CUL1: variants seen among roughly 807,000 people sequenced by gnomAD.
CUL1 encodes the protein cullin-1.
Under a neutral mutation model 118.0 loss-of-function variants are expected in CUL1, and 24 were observed. The ratio of observed to expected loss-of-function variants is 0.20; its 90% CI spans 0.15 to 0.29. The LOEUF is 0.29. CUL1 is among the 10% of genes least tolerant of loss of function. The pLI is 1.00. For missense variants in CUL1, 361 were observed against 933.8 expected, an observed-to-expected ratio of 0.39 and a Z score of 7.99; for synonymous variants, 332 against 340.4, an observed-to-expected ratio of 0.98 and a Z score of 0.27.
At chr7:148,783,083 A>G (rs1800696534) in intron 9 of CUL1, among the ~76,000 whole-genome samples, 1 of 151,898 alleles carries the variant, frequency 6.6e-6, no homozygotes, top group Non-Finnish European at 1.5e-5. Context: ...CATGCCTAGC[A>G]GCAGCGCTGT....
At chr7:148,773,065 A>G (rs1395610636) in intron 9 of CUL1, among the ~76,000 whole-genome samples, 1 of 152,060 alleles carries the variant, frequency 6.6e-6, no homozygotes, top group Non-Finnish European at 1.5e-5. Flanking sequence ...TCCCATTCCC[A>G]TTCATCCCTC....
At chr7:148,742,625 G>A (rs1212292682) in intron 2 of CUL1, among the ~76,000 whole-genome samples, 1 of 73,958 alleles carries the variant, frequency 1.4e-5, no homozygotes, top group Non-Finnish European at 3.4e-5. Context: ...TTGAGTTGGA[G>A]TCTCACTCAC....
At chr7:148,781,768 G>C (rs986336864) in intron 9 of CUL1, among the ~76,000 whole-genome samples, 3 of 152,214 alleles carry the variant, frequency 2.0e-5, no homozygotes, top group Non-Finnish European at 4.4e-5. Context: ...AGCCGTGCAG[G>C]CCGAGTGGTC....
In CUL1 at chr7:148,720,791, G is replaced by A. The variant is rs1284987846; in HGVS notation, c.-161-9171G>A. ...GAGCAGCTTGGAGTTGTCGTCGAGG[G>A]TTGAGCAAAGTAGAAGGTGCCACAA... On this transcript the variant is annotated intron_variant, in intron 1 of 21. Transcript: ENST00000325222. 1.3e-5 allele frequency among the ~76,000 whole-genome samples: 2 copies of A among 152,200 alleles called. 1 individual carries two copies. The highest frequency in any genetic ancestry group is 4.8e-5 in the African/African-American group (2 of 41,436).
chr7:148,783,730 A>G, intron 9 of CUL1, 53 bp from the exon 10 acceptor site: 1 of 1,598,710 alleles, frequency 6.3e-7, no homozygotes, highest in Non-Finnish European at 8.6e-7. Context: ...ACCTTAATAC[A>G]CAATTTAATC....
At chr7:148,769,548 T>C (rs1800141323) in intron 9 of CUL1, among the ~76,000 whole-genome samples, 1 of 152,062 alleles carries the variant, frequency 6.6e-6, no homozygotes, top group South Asian at 2.1e-4. Flanking sequence ...AGAACTCAAT[T>C]TACCTATATG....
In CUL1 at chr7:148,792,776, C is replaced by T; in HGVS notation, c.1857C>T (p.Ala619=). ...TGCTTCAGTACAACACGGAAGATGCCTACACTGTGCAGCAGCTGACCGACA... is the reference window on the plus strand; with the variant it reads ...TGCTTCAGTACAACACGGAAGATGCTTACACTGTGCAGCAGCTGACCGACA... The part of the protein sequence containing the change: ...AILLQYNTED[A]YTVQQLTDST... The change falls in exon 17 of 22, where the codon GCC becomes GCT. Residue 619 remains alanine, a synonymous_variant. Transcript: ENST00000325222. 6.2e-7 allele frequency: 1 copy of T among 1,613,512 alleles called. No homozygotes were observed. The highest frequency in any genetic ancestry group is 1.1e-5 in the South Asian group (1 of 90,792).
Position 148,725,211 on chromosome 7 carries a change from ACGCGCG to A in CUL1, c.-161-4747_-161-4742del, listed in dbSNP as rs1186553527. 7.0e-3 allele frequency among the ~76,000 whole-genome samples: 1,003 copies of A among 143,352 alleles called. 17 individuals carry two copies. Among genetic ancestry groups the A allele is most frequent in the African/African-American group, 0.028 (968 of 34,556 alleles). The allele number at this position is 143,352 out of a possible 152,430, so 94.0% of individuals were successfully genotyped here. ...CATGCGCGCGTGTACACACACACAC[ACGCGCG>A]CGCTCACACACACACACACACACAC... On this transcript the variant is annotated intron_variant, in intron 1 of 21. Transcript: ENST00000325222.
chr7:148,776,794 A>G (rs912230979), intron 9 of CUL1, among the ~76,000 whole-genome samples: 16 of 152,200 alleles, frequency 1.1e-4, no homozygotes, highest in African/African-American at 3.6e-4. Flanking sequence ...GATTGGCTCA[A>G]GGCCAATTAG....
intron 1 of CUL1, among the ~76,000 whole-genome samples, chr7:148,713,110 T>C (rs1017206569): frequency 2.6e-5 from 4 of 152,236 alleles, no homozygotes; most frequent in Admixed American, 2.6e-4. Context: ...GAAAAGCATG[T>C]GTGGTGTAGA....
intron 2 of CUL1, among the ~76,000 whole-genome samples, chr7:148,752,846 G>A (rs966581264): frequency 2.6e-5 from 4 of 152,104 alleles, no homozygotes; most frequent in African/African-American, 9.7e-5. Context: ...TAGAGATGGG[G>A]TTTCACCGTG....
At chr7:148,783,600 A>T in intron 9 of CUL1, 183 bp from the exon 10 acceptor site, 1 of 1,515,188 alleles carries the variant, frequency 6.6e-7, no homozygotes, top group Non-Finnish European at 8.8e-7. Flanking sequence ...TATATATATA[A>T]ACAAAATGTC....
At chr7:148,790,548 C>A in intron 16 of CUL1, 107 bp downstream of exon 16, 1 of 970,740 alleles carries the variant, frequency 1.0e-6, no homozygotes, top group Non-Finnish European at 1.5e-6. Context: ...AATTCAGCTT[C>A]TGGTGAAATA....
chr7:148,744,833 G>A (rs1799258167), intron 2 of CUL1, among the ~76,000 whole-genome samples: 1 of 152,042 alleles, frequency 6.6e-6, no homozygotes, highest in African/African-American at 2.4e-5. Context: ...GCATTATTTT[G>A]CCTTCATCTT....
chr7:148,793,244 T>C (rs1801077660), intron 17 of CUL1, among the ~76,000 whole-genome samples: 1 of 152,218 alleles, frequency 6.6e-6, no homozygotes, highest in South Asian at 2.1e-4. Flanking sequence ...CTTTTCTTAC[T>C]AAGCTTAAAT....
chr7:148,775,103 C>T (rs1800354276), intron 9 of CUL1, among the ~76,000 whole-genome samples: 1 of 152,330 alleles, frequency 6.6e-6, no homozygotes, highest in South Asian at 2.1e-4. Flanking sequence ...CATGTGTGAA[C>T]TTAGACCAGT....
At chr7:148,793,923 A>T (rs964250145) in intron 17 of CUL1, among the ~76,000 whole-genome samples, 34 of 151,266 alleles carry the variant, frequency 2.2e-4, no homozygotes, top group Middle Eastern at 3.2e-3. Flanking sequence ...TTTCATTTTT[A>T]AAAAAAATTA....
At chr7:148,703,909 A>T (rs1230613581) in intron 1 of CUL1, among the ~76,000 whole-genome samples, 1 of 152,122 alleles carries the variant, frequency 6.6e-6, no homozygotes, top group Non-Finnish European at 1.5e-5. Flanking sequence ...TTTTTTCAAG[A>T]AAAAATTTAA....
chr7:148,708,802 T>G (rs1334101075), intron 1 of CUL1, among the ~76,000 whole-genome samples: 1 of 152,232 alleles, frequency 6.6e-6, no homozygotes, highest in Non-Finnish European at 1.5e-5. Context: ...GGGAATGTGA[T>G]TTCTAGTAAC....
Sources: gnomAD v4.1 joint callset for allele counts (sites outside exome capture counted in the v4.1 genomes callset) on GRCh38, gnomAD v4.1.1 for gene constraint, MANE v1.5 for transcripts, NCBI Gene and HGNC (gene_info 2026-07-23, HGNC 2026-07-21) for gene names.